The following CSMD1 variants were observed in gnomAD, a reference collection of about 807,000 sequenced individuals.
The protein encoded by CSMD1 is CUB and sushi domain-containing protein 1.
In CSMD1, 213 loss-of-function variants were observed where a neutral mutation model predicts 417.5. The ratio of observed to expected loss-of-function variants is 0.51; its 90% CI spans 0.46 to 0.57. The LOEUF (loss-of-function observed/expected upper bound fraction) is 0.57. CSMD1 is among the 20% of genes least tolerant of loss of function. The pLI is 0.00. For synonymous variants in CSMD1, 2,862 were observed against 1,736.8 expected (o/e 1.65, Z -16.11); for missense variants, 6,923 against 4,529.7 (o/e 1.53, Z -15.17).
intron 3 of CSMD1, among the ~76,000 whole-genome samples, chr8:4,137,853 G>A (rs1186101503): frequency 7.4e-6 from 1 of 134,552 alleles, no homozygotes; most frequent in African/African-American, 2.6e-5. Flanking sequence ...TTACCTTTTG[G>A]ATGCCTTACA....
rs1487247212 is a variant in CSMD1 at position 2,937,825 on chromosome 8, C to A, written c.*760G>T. The A allele has an allele frequency of 1.3e-5, 2 of 152,590 alleles. No individual in the cohort carries two copies. The highest frequency in any genetic ancestry group is 1.3e-4 in the Admixed American group (2 of 15,264). The allele number at this position is 152,590 out of a possible 1,614,324, so 9.5% of individuals were successfully genotyped here. A position where few individuals can be genotyped will look rare whatever the true frequency, so the allele number is the denominator to read the frequency against. ...ACTAAGCTGATGGGGGAATGTTTAG[C>A]TTGATAATATGAAATAATGCTTATA... On this transcript the variant is annotated 3_prime_UTR_variant, in exon 70 of 70. Coordinates refer to ENST00000635120, the MANE Select transcript of CSMD1 (RefSeq NM_033225.6).
chr8:3,568,172 T>A (rs1189503520), intron 10 of CSMD1, among the ~76,000 whole-genome samples: 1 of 152,212 alleles, frequency 6.6e-6, no homozygotes, highest in Non-Finnish European at 1.5e-5. Flanking sequence ...TTTTGAGGGT[T>A]ATAAAGTACT....
intron 15 of CSMD1, among the ~76,000 whole-genome samples, chr8:3,400,263 T>C (rs1811958118): frequency 6.6e-6 from 1 of 152,212 alleles, no homozygotes; most frequent in South Asian, 2.1e-4. Context: ...CCACATGTTT[T>C]CTTTCAGATT....
At chr8:3,764,308 G>C (rs1338068796) in intron 5 of CSMD1, among the ~76,000 whole-genome samples, 2 of 152,170 alleles carry the variant, frequency 1.3e-5, no homozygotes, top group African/African-American at 4.8e-5. Context: ...TTGTGCTGTA[G>C]GGAAACTCTC....
intron 51 of CSMD1, among the ~76,000 whole-genome samples, chr8:3,029,104 G>A (rs1159054155): frequency 6.6e-6 from 1 of 152,012 alleles, no homozygotes; most frequent in African/African-American, 2.4e-5. Context: ...ACAAGGAAAA[G>A]ACAACATCAA....
chr8:3,020,636 A>G (rs1809287756), intron 51 of CSMD1, among the ~76,000 whole-genome samples: 1 of 152,122 alleles, frequency 6.6e-6, no homozygotes, highest in African/African-American at 2.4e-5. Flanking sequence ...TGGCCTTCCC[A>G]GAAGCCCCAG....
At chr8:3,027,645 C>A (rs186187301) in intron 51 of CSMD1, among the ~76,000 whole-genome samples, 2 of 152,270 alleles carry the variant, frequency 1.3e-5, no homozygotes, top group African/African-American at 4.8e-5. Context: ...AGGCAGCTGA[C>A]AATTTAGAAA....
chr8:4,971,445 C>G (rs1209283887), intron 1 of CSMD1, among the ~76,000 whole-genome samples: 1 of 151,954 alleles, frequency 6.6e-6, no homozygotes, highest in Non-Finnish European at 1.5e-5. Context: ...ATAATTCTAA[C>G]CTTCTGAAAG....
intron 3 of CSMD1, among the ~76,000 whole-genome samples, chr8:4,219,471 G>A (rs964245427): frequency 5.9e-5 from 9 of 152,062 alleles, no homozygotes; most frequent in African/African-American, 1.9e-4. Flanking sequence ...TTGAACTCTA[G>A]TCCTGAATTT....
At chr8:3,891,189 G>A (rs911892824) in intron 5 of CSMD1, among the ~76,000 whole-genome samples, 1 of 151,990 alleles carries the variant, frequency 6.6e-6, no homozygotes, top group East Asian at 1.9e-4. Flanking sequence ...GGGACCACAG[G>A]CATGTGCCAT....
chr8:3,451,818 T>A (rs992103258), intron 12 of CSMD1, among the ~76,000 whole-genome samples: 3 of 152,218 alleles, frequency 2.0e-5, no homozygotes, highest in Non-Finnish European at 4.4e-5. Context: ...TGGTTCCATA[T>A]GAACTTTAAA....
intron 3 of CSMD1, among the ~76,000 whole-genome samples, chr8:4,262,405 G>A (rs1447825802): frequency 6.6e-6 from 1 of 152,212 alleles, no homozygotes; most frequent in African/African-American, 2.4e-5. Flanking sequence ...ATAAAGGCAG[G>A]TTTGTGGTTA....
In CSMD1 at chr8:3,534,030, G is replaced by A. The variant is rs369183661; in HGVS notation, c.1345-40304C>T. On this transcript the variant is annotated intron_variant, in intron 10 of 69. Transcript: ENST00000635120. ...CTTTTGCGGAAGAAGAATATTCTAT[G>A]AATAAAAGTCATTGCTTGAAGTTAC... is the stretch of plus-strand genomic sequence containing the variant. Among the ~76,000 whole-genome samples, 5 of 152,110 alleles carry A rather than the reference G, an allele frequency of 3.3e-5. 1 individual carries two copies. Among genetic ancestry groups the A allele is most frequent in the South Asian group, 4.2e-4 (2 of 4,812 alleles).
At chr8:3,204,392 T>C (rs900784751) in intron 31 of CSMD1, among the ~76,000 whole-genome samples, 1 of 110,938 alleles carries the variant, frequency 9.0e-6, no homozygotes, top group Non-Finnish European at 2.0e-5. Context: ...CTGCTGAGCA[T>C]TTAGGTAAAA....
Position 2,973,330 on chromosome 8 carries a change from C to T in CSMD1, c.8741-31G>A, listed in dbSNP as rs371547282. ...GAAAACAAACACATACGGCAATCCA[C>T]AATTGTGTTAGACTTGTTTTAAGCA... On this transcript the variant is annotated intron_variant, in intron 56 of 69. Coordinates refer to ENST00000635120, the MANE Select transcript of CSMD1 (RefSeq NM_033225.6). 2.5e-6 allele frequency: 4 copies of T among 1,602,632 alleles called. 1 individual carries two copies. The South Asian group carries it at 3.3e-5, about 13-fold the overall frequency.
intron 1 of CSMD1, among the ~76,000 whole-genome samples, chr8:4,646,956 C>T (rs78564140): frequency 0.014 from 2,073 of 152,118 alleles, 37 homozygotes; most frequent in African/African-American, 0.036. Flanking sequence ...TATAAATGTC[C>T]AACACATTTT....
chr8:4,784,142 G>A (rs760569241), intron 1 of CSMD1, among the ~76,000 whole-genome samples: 1 of 152,190 alleles, frequency 6.6e-6, no homozygotes, highest in African/African-American at 2.4e-5. Flanking sequence ...GAATAAGTCA[G>A]TTGCCTGATT....
At position 2,937,033 on chromosome 8, in the gene CSMD1, A is replaced by G. The variant is rs963333310; in HGVS notation, c.*1552T>C. The G allele has an allele frequency of 6.6e-6, 1 of 152,244 alleles. No homozygotes were observed. 9.4% of individuals were successfully genotyped at this position (152,244 alleles called of 1,614,324 possible). On this transcript the variant is annotated 3_prime_UTR_variant, in exon 70 of 70. Coordinates refer to ENST00000635120, the MANE Select transcript of CSMD1 (RefSeq NM_033225.6). ...TAAAATAAGTACTATCGTTTCAAAA[A>G]TATTTTTATCAAATAAGTATAAGTA...
intron 3 of CSMD1, among the ~76,000 whole-genome samples, chr8:4,067,944 G>C (rs950244077): frequency 6.6e-6 from 1 of 152,130 alleles, no homozygotes; most frequent in Non-Finnish European, 1.5e-5. Flanking sequence ...GGGCATGGTG[G>C]TGCGCTCCTG....
Sources: gnomAD v4.1 joint callset for allele counts (sites outside exome capture counted in the v4.1 genomes callset) on GRCh38, gnomAD v4.1.1 for gene constraint, MANE v1.5 for transcripts, NCBI Gene and HGNC (gene_info 2026-07-23, HGNC 2026-07-21) for gene names.